Variants in SLC6A15 observed in about 807,000 individuals in gnomAD.
The protein encoded by SLC6A15 is solute carrier family 6 member 15, also known as sodium-dependent neutral amino acid transporter B(0)AT2.
Under a neutral mutation model 68.5 loss-of-function variants are expected in SLC6A15, and 33 were observed. The observed-to-expected ratio is 0.48, with a 90% CI of 0.37 to 0.64. The LOEUF is 0.64. SLC6A15 is among the 30% of genes least tolerant of loss of function. The pLI, the probability that SLC6A15 is intolerant of heterozygous loss-of-function variation, is 0.00. For missense variants in SLC6A15, 747 were observed against 874.3 expected, an observed-to-expected ratio of 0.85 and a Z score of 1.84; for synonymous variants, 347 against 301.0, an observed-to-expected ratio of 1.15 and a Z score of -1.58.
Position 84,891,860 on chromosome 12 carries a change from A to G in SLC6A15, c.261T>C (p.Phe87=), listed in dbSNP as rs749049607. The G allele has an allele frequency of 6.2e-7, 1 of 1,613,852 alleles. No homozygotes were observed. The highest frequency in any genetic ancestry group is 1.7e-5 in the Admixed American group (1 of 59,994). ...FSVGLGNVWR[F]PYLCQKNGGG... is the part of the protein sequence containing the mutation. ...CCCCATTCTTCTGACATAGGTATGGAAATCGCCACACATTTCCTAAACCTA... is the reference window on the plus strand; with the variant it reads ...CCCCATTCTTCTGACATAGGTATGGGAATCGCCACACATTTCCTAAACCTA... Residue 87 remains phenylalanine, a synonymous_variant, in exon 2 of 12, where the codon TTT becomes TTC. Transcript: ENST00000266682.
intron 2 of SLC6A15, among the ~76,000 whole-genome samples, chr12:84,889,104 C>T (rs568451344): frequency 4.6e-5 from 7 of 152,298 alleles, no homozygotes; most frequent in Non-Finnish European, 7.4e-5. Context: ...ACAGGACTTG[C>T]TGGGTTTGCT....
At chr12:84,887,412 T>A (rs77135982) in intron 2 of SLC6A15, among the ~76,000 whole-genome samples, 6,189 of 152,270 alleles carry the variant, frequency 0.041, 401 homozygotes, top group African/African-American at 0.14. Context: ...CAGCATCTGT[T>A]TATCTCTGTA....
At chr12:84,864,286 G>A (rs928273478) in intron 10 of SLC6A15, among the ~76,000 whole-genome samples, 1 of 148,502 alleles carries the variant, frequency 6.7e-6, no homozygotes, top group Non-Finnish European at 1.5e-5. Context: ...TAATTGTTAT[G>A]AATTGTTATG....
chr12:84,869,049 T>C (rs888819402), intron 9 of SLC6A15, among the ~76,000 whole-genome samples: 3 of 152,218 alleles, frequency 2.0e-5, no homozygotes, highest in African/African-American at 4.8e-5. Context: ...TAAATTGTTT[T>C]ATACACGCAC....
At chr12:84,910,508 T>C (rs1873385443) in intron 1 of SLC6A15, among the ~76,000 whole-genome samples, 3 of 152,214 alleles carry the variant, frequency 2.0e-5, no homozygotes, top group African/African-American at 7.2e-5. Context: ...TACTGTTTGT[T>C]AGTCCAAACT....
intron 2 of SLC6A15, among the ~76,000 whole-genome samples, chr12:84,891,206 T>A (rs953404314): frequency 9.9e-5 from 15 of 152,174 alleles, no homozygotes; most frequent in African/African-American, 3.4e-4. Flanking sequence ...TGCTAATTTC[T>A]TTAAAGTTGT....
intron 8 of SLC6A15, among the ~76,000 whole-genome samples, chr12:84,871,248 T>A (rs1871273427): frequency 6.6e-6 from 1 of 151,480 alleles, no homozygotes. Flanking sequence ...AAAAGCCAAT[T>A]TTTAATTTAA....
chr12:84,861,615 A>G lies in SLC6A15; in HGVS notation c.*17T>C, dbSNP rs371735059. The G allele has an allele frequency of 2.3e-5, 36 of 1,574,968 alleles. No homozygotes were observed. The highest frequency in any genetic ancestry group is 1.1e-4 in the Admixed American group (6 of 56,332). ...GGTAAAAATGAACCAAATAAAACCC[A>G]CTGACTTTTCCCCCAGCTACAAATC... On this transcript the variant is annotated 3_prime_UTR_variant, in exon 12 of 12. Transcript: ENST00000266682.
intron 1 of SLC6A15, among the ~76,000 whole-genome samples, chr12:84,897,310 C>CA (rs1485923231): frequency 6.6e-6 from 1 of 151,646 alleles, no homozygotes; most frequent in Non-Finnish European, 1.5e-5. Context: ...AGAAAGTTCA[C>CA]AAAAAAGAAA....
rs758001424 is a variant in SLC6A15 at position 84,892,138 on chromosome 12, A to ATT, written c.-20_-19dup. 1.3e-5 allele frequency: 18 copies of ATT among 1,340,670 alleles called. No individual in the cohort carries two copies. In the African/African-American group the frequency reaches 3.0e-4, roughly 22 times the overall value. 83.0% of individuals were successfully genotyped at this position (1,340,670 alleles called of 1,614,324 possible). A position where few individuals can be genotyped will look rare whatever the true frequency, so the allele number is the denominator to read the frequency against. Reference sequence around the variant, plus strand: ...TTGGGCATTGGAGAGTATGCGAAGTATTTAAAAAAAAAAAAAAAAACTCCC... The same window carrying ATT: ...TTGGGCATTGGAGAGTATGCGAAGTATTTTTAAAAAAAAAAAAAAAAACTCCC... On this transcript the variant is annotated 5_prime_UTR_variant, in exon 2 of 12. Transcript: ENST00000266682.
chr12:84,870,738 T>C (rs1189088569), intron 8 of SLC6A15, 68 bp from the exon 9 acceptor site: 3 of 947,636 alleles, frequency 3.2e-6, no homozygotes, highest in Non-Finnish European at 4.6e-6. Context: ...ATATGTCAGT[T>C]ACAATGAGGA....
At chr12:84,874,368 GC>G (rs1871421740) in intron 6 of SLC6A15, 1 of 152,118 alleles carries the variant, frequency 6.6e-6, no homozygotes, top group African/African-American at 2.4e-5. Context: ...ACATAGATGA[GC>G]TATAGCGGCA....
chr12:84,903,086 A>C (rs556146952), intron 1 of SLC6A15, among the ~76,000 whole-genome samples: 1 of 152,270 alleles, frequency 6.6e-6, no homozygotes, highest in Non-Finnish European at 1.5e-5. Context: ...TGGTGCATAC[A>C]CCTCCATGTG....
intron 5 of SLC6A15, chr12:84,881,304 G>T: frequency 1.1e-5 from 3 of 271,084 alleles, no homozygotes; most frequent in South Asian, 1.4e-4. Context: ...TTCTTGAAAG[G>T]CCTTTCTTTC....
rs753843235 is a variant in SLC6A15, at chr12:84,870,634, T to C, written c.1339A>G (p.Thr447Ala). The change falls in exon 9 of 12, where the codon ACA (threonine) becomes GCA (alanine). Residue 447 changes from threonine (T) to alanine (A), a missense_variant. Thr to Ala is a moderately conservative substitution (Grantham distance 58). Transcript: ENST00000266682. Reference protein sequence around the residue: ...QGTGLAFIAFTEAMTHFPASP... With the variant: ...QGTGLAFIAFAEAMTHFPASP... ...GCAGGAAAATGTGTCATCGCTTCTGTAAAGGCAATAAAAGCTAAGCCGGTC... is the reference window on the plus strand; with the variant it reads ...GCAGGAAAATGTGTCATCGCTTCTGCAAAGGCAATAAAAGCTAAGCCGGTC... 6.2e-7 allele frequency: 1 copy of C among 1,611,934 alleles called. No individual in the cohort carries two copies. Among genetic ancestry groups the C allele is most frequent in the Non-Finnish European group, 8.5e-7 (1 of 1,178,970 alleles).
chr12:84,875,619 T>A (rs1243169972), intron 6 of SLC6A15, among the ~76,000 whole-genome samples: 1 of 138,240 alleles, frequency 7.2e-6, no homozygotes, highest in Non-Finnish European at 1.5e-5. Context: ...CTGCCTATGA[T>A]AGTATTAGCA....
intron 5 of SLC6A15, 33 bp from the exon 6 acceptor site, chr12:84,876,640 T>G (rs769389719): frequency 4.9e-6 from 5 of 1,022,418 alleles, no homozygotes; most frequent in African/African-American, 1.6e-5. Context: ...ATAAGTGAGA[T>G]ACAATGACCA....
chr12:84,878,919 A>G (rs1459484031), intron 5 of SLC6A15, among the ~76,000 whole-genome samples: 1 of 151,874 alleles, frequency 6.6e-6, no homozygotes, highest in Non-Finnish European at 1.5e-5. Context: ...AGATTCTGTT[A>G]GCTTTCCTCT....
intron 1 of SLC6A15, among the ~76,000 whole-genome samples, chr12:84,911,043 A>G (rs1306918499): frequency 6.6e-6 from 1 of 152,138 alleles, no homozygotes; most frequent in African/African-American, 2.4e-5. Flanking sequence ...GTACAAGTCA[A>G]GCCCAGTACT....
Sources: allele counts gnomAD v4.1 joint callset (sites outside exome capture counted in the v4.1 genomes callset), GRCh38; gene constraint gnomAD v4.1.1; transcripts MANE v1.5; gene names NCBI Gene and HGNC (gene_info 2026-07-23, HGNC 2026-07-21).